Variants in ARID1B observed in about 807,000 individuals in gnomAD.
The protein encoded by ARID1B is AT-rich interaction domain 1B.
Under a neutral mutation model 212.3 loss-of-function variants are expected in ARID1B, and 30 were observed. The observed-to-expected ratio is 0.14, with a 90% CI of 0.11 to 0.19. The LOEUF is 0.19. Among genes scored for constraint, ARID1B ranks in the 10% least tolerant of loss-of-function variants. The probability of loss-of-function intolerance (pLI) is 1.00; values close to 1 mark genes in which losing one functional copy is unlikely to be tolerated. For missense variants in ARID1B, 2,891 were observed against 3,204.0 expected, an observed-to-expected ratio of 0.90 and a Z score of 2.36; for synonymous variants, 1,402 against 1,301.7, an observed-to-expected ratio of 1.08 and a Z score of -1.66.
chr6:157,155,270 G>A (rs1327147350), intron 8 of ARID1B, among the ~76,000 whole-genome samples: 1 of 152,160 alleles, frequency 6.6e-6, no homozygotes, highest in Non-Finnish European at 1.5e-5. Flanking sequence ...ATTTAACATT[G>A]TTGGGACTGG....
intron 13 of ARID1B, chr6:157,185,872 G>A (rs1391158902): frequency 1.3e-5 from 2 of 152,192 alleles, no homozygotes; most frequent in Non-Finnish European, 2.9e-5. Context: ...AAAACAAGTA[G>A]AAATCCTCGC....
At chr6:156,816,930 A>T (rs1782004193) in intron 1 of ARID1B, among the ~76,000 whole-genome samples, 1 of 152,182 alleles carries the variant, frequency 6.6e-6, no homozygotes, top group Admixed American at 6.5e-5. Flanking sequence ...TGATCAAAGA[A>T]TGGGGCAGAA....
Position 157,097,788 on chromosome 6 carries a change from G to A in ARID1B, c.2492-12684G>A, listed in dbSNP as rs148106979. ...CCTGGGGGCCCAGGTGGACAAATTG[G>A]CAACCCTGTTCACAGCTTTTTTTCT... On this transcript the variant is annotated intron_variant, in intron 5 of 19. Transcript: ENST00000636930. Among the ~76,000 whole-genome samples, 1,409 of 152,318 alleles carry A rather than the reference G, an allele frequency of 9.3e-3. 13 individuals are homozygous for A. Among genetic ancestry groups the A allele is most frequent in the Non-Finnish European group, 0.014 (973 of 68,020 alleles).
chr6:157,087,099 G>A (rs888255057), intron 5 of ARID1B, among the ~76,000 whole-genome samples: 7 of 152,182 alleles, frequency 4.6e-5, no homozygotes, highest in Non-Finnish European at 1.0e-4. Context: ...TCTATATGGT[G>A]CTTGGTAAAG....
chr6:156,884,651 G>A (rs1787363681), intron 2 of ARID1B, among the ~76,000 whole-genome samples: 1 of 152,194 alleles, frequency 6.6e-6, no homozygotes, highest in Admixed American at 6.5e-5. Context: ...TAAGGAGGTG[G>A]CTGCCATGTT....
chr6:157,190,644 C>T lies in ARID1B; in HGVS notation c.4231+434C>T, dbSNP rs111631651. ...CTTGGCATGGTGGTGTGCTAGTGTG[C>T]GCTGGGCGCTAGCTCGTGGATTGGT... On this transcript the variant is annotated intron_variant, in intron 15 of 19. Transcript: ENST00000636930. The surrounding 1 kb of genome is among the most constrained non-coding windows in gnomAD (Gnocchi z 4.6). 1.6e-4 allele frequency among the ~76,000 whole-genome samples: 24 copies of T among 152,330 alleles called. No individual in the cohort carries two copies. Among genetic ancestry groups the T allele is most frequent in the African/African-American group, 5.8e-4 (24 of 41,584 alleles).
rs755130179 is a variant in ARID1B, at chr6:157,132,635, C to CT, written c.2582-391dup. Among the ~76,000 whole-genome samples the CT allele has an allele frequency of 6.6e-5, 10 of 152,320 alleles. No homozygotes were observed. The South Asian group carries it at 2.1e-3, about 32-fold the overall frequency. On this transcript the variant is annotated intron_variant, in intron 6 of 19. Coordinates refer to ENST00000636930, the MANE Select transcript of ARID1B (RefSeq NM_001374828.1). Reference sequence around the variant, plus strand: ...CCACAGATTGGGCAGGGAGCAAAGGCTTGGAGCAGGCACGCACGGCATGGC... The same window carrying CT: ...CCACAGATTGGGCAGGGAGCAAAGGCTTTGGAGCAGGCACGCACGGCATGGC...
chr6:156,807,880 C>T (rs903148553), intron 1 of ARID1B, among the ~76,000 whole-genome samples: 8 of 152,204 alleles, frequency 5.3e-5, no homozygotes, highest in African/African-American at 9.7e-5. Flanking sequence ...ATGTCACCCT[C>T]TTTTGAGGCA....
chr6:156,944,582 G>A (rs1022767472), intron 4 of ARID1B, among the ~76,000 whole-genome samples: 5 of 152,164 alleles, frequency 3.3e-5, no homozygotes, highest in South Asian at 2.1e-4. Flanking sequence ...GCAGGACGCC[G>A]AAATCTTTGT....
intron 4 of ARID1B, among the ~76,000 whole-genome samples, chr6:157,000,716 TGAGACAGAGTCTTAC>T (rs1583114718): frequency 3.6e-4 from 37 of 102,374 alleles, no homozygotes; most frequent in South Asian, 6.9e-4. Flanking sequence ...TTTTTTTTTT[TGAGACAGAGTCTTAC>T]TTTGTTGCCC....
At chr6:156,918,768 GC>G (rs1790558900) in intron 3 of ARID1B, among the ~76,000 whole-genome samples, 2 of 152,134 alleles carry the variant, frequency 1.3e-5, no homozygotes, top group Non-Finnish European at 2.9e-5. Flanking sequence ...GGTTTTGGGA[GC>G]ACAGAGGTGG....
chr6:157,041,798 C>G (rs1394513802), intron 4 of ARID1B, among the ~76,000 whole-genome samples: 1 of 152,118 alleles, frequency 6.6e-6, no homozygotes. Context: ...AGGGTGTACC[C>G]TGTACCCGCC....
intron 4 of ARID1B, among the ~76,000 whole-genome samples, chr6:157,010,278 G>GTTTTTTTTTTTTTTTTTTTTTT (rs367851681): frequency 2.0e-5 from 2 of 102,246 alleles, no homozygotes; most frequent in African/African-American, 4.0e-5. Flanking sequence ...TGCATTGCCT[G>GTTTTTTTTTTTTTTTTTTTTTT]TTTTTTTTTT....
rs1054785391 is a variant in ARID1B, at chr6:156,818,719, A to G, written c.1792-10508A>G. ...CTTTCCATTTTACTGGAGATGGCAA[A>G]TTACTTTTTGCTTGTGCAAATTCTG... On this transcript the variant is annotated intron_variant, in intron 1 of 19. Transcript: ENST00000636930. 2.6e-5 allele frequency among the ~76,000 whole-genome samples: 4 copies of G among 152,170 alleles called. No individual in the cohort carries two copies. In the East Asian group the frequency reaches 7.7e-4, roughly 29 times the overall value.
At chr6:156,912,902 C>T (rs993691116) in intron 3 of ARID1B, among the ~76,000 whole-genome samples, 5 of 152,144 alleles carry the variant, frequency 3.3e-5, no homozygotes, top group Admixed American at 1.3e-4. Flanking sequence ...CTTTCTTGAC[C>T]GAAACCACAA....
intron 4 of ARID1B, among the ~76,000 whole-genome samples, chr6:157,002,983 C>T (rs985835859): frequency 6.6e-6 from 1 of 152,140 alleles, no homozygotes; most frequent in African/African-American, 2.4e-5. Context: ...CATGCCAGAG[C>T]ATGGTGTATT....
intron 2 of ARID1B, among the ~76,000 whole-genome samples, chr6:156,859,072 A>G (rs1354342700): frequency 6.6e-6 from 1 of 152,158 alleles, no homozygotes; most frequent in Non-Finnish European, 1.5e-5. Flanking sequence ...GGTGATTACC[A>G]TGTCACTGTT....
In ARID1B at chr6:156,779,002, A is replaced by G. The variant is rs1315757941; in HGVS notation, c.1322A>G (p.Tyr441Cys). Reference sequence around the variant, plus strand: ...GCAGGAGGCGGCGGCGGCGGCGGCTATGGGGGCTCGTCCGCGGGGTACGGG... The same window carrying G: ...GCAGGAGGCGGCGGCGGCGGCGGCTGTGGGGGCTCGTCCGCGGGGTACGGG... ...AAAGGGGGGG[Y>C]GGSSAGYGVL... The change falls in exon 1 of 20, where the codon TAT becomes TGT. Residue 441 changes from tyrosine (Y) to cysteine (C), a missense_variant. Tyr to Cys is a radical substitution (Grantham distance 194). This residue lies in a region of ARID1B where 1,643 missense variants were observed against 1,544.0 expected (regional missense o/e 1.06). Transcript: ENST00000636930. 2.4e-5 allele frequency: 30 copies of G among 1,256,014 alleles called. No homozygotes were observed. The highest frequency in any genetic ancestry group is 9.8e-5 in the South Asian group (3 of 30,576). 77.8% of individuals were successfully genotyped at this position (1,256,014 alleles called of 1,614,324 possible). A position where few individuals can be genotyped will look rare whatever the true frequency, so the allele number is the denominator to read the frequency against.
At chr6:157,070,927 A>C (rs529533479) in intron 4 of ARID1B, among the ~76,000 whole-genome samples, 2 of 152,302 alleles carry the variant, frequency 1.3e-5, no homozygotes, top group Admixed American at 6.5e-5. Flanking sequence ...CTTTCTAACC[A>C]TAACAATATT....
Sources: gnomAD v4.1 joint callset for allele counts (sites outside exome capture counted in the v4.1 genomes callset) on GRCh38, gnomAD v4.1.1 for gene constraint, gnomAD v4.1.1 regional missense constraint, Gnocchi (gnomAD v3.1) non-coding constraint, MANE v1.5 for transcripts, NCBI Gene and HGNC (gene_info 2026-07-23, HGNC 2026-07-21) for gene names.